Variants in YTHDC2 observed in about 807,000 individuals in gnomAD.
YTHDC2 encodes the protein YTH N6-methyladenosine RNA binding protein C2, also known as 3'-5' RNA helicase YTHDC2.
A neutral mutation model predicts 174.9 loss-of-function variants in YTHDC2; 45 were observed. That is an observed-to-expected ratio of 0.26 (90% CI 0.20 to 0.33). YTHDC2 has a LOEUF of 0.33. Ranked by LOEUF, YTHDC2 falls within the 10% of genes least tolerant of loss-of-function variation. The pLI is 1.00. For missense variants in YTHDC2, 1,650 were observed against 1,723.7 expected (o/e 0.96, Z 0.76); for synonymous variants, 657 against 574.5 (o/e 1.14, Z -2.05).
At chr5:113,567,466 G>C (rs1777423936) in intron 22 of YTHDC2, among the ~76,000 whole-genome samples, 169 bp downstream of exon 22, 1 of 147,350 alleles carries the variant, frequency 6.8e-6, no homozygotes, top group African/African-American at 2.6e-5. Context: ...TTTTAGAGTT[G>C]GAAAAGGTAA....
intron 18 of YTHDC2, among the ~76,000 whole-genome samples, chr5:113,561,441 TTATC>T (rs535162186): frequency 9.7e-4 from 145 of 149,258 alleles, no homozygotes; most frequent in East Asian, 1.9e-3. Context: ...TATATATTTT[TTATC>T]TATCTATCTA....
Position 113,513,704 on chromosome 5 carries a change from TG to T in YTHDC2, c.-190del. 1 of 642,848 alleles carries T rather than the reference TG, an allele frequency of 1.6e-6. No homozygotes were observed. The highest frequency in any genetic ancestry group is 2.5e-6 in the Non-Finnish European group (1 of 403,672). 39.8% of individuals were successfully genotyped at this position (642,848 alleles called of 1,614,324 possible). ...CGTCATTACGCCCGCGCTCCTCGCC[TG>T]GCCGTGATATCAATGGCGCAGGCTT... is the stretch of plus-strand genomic sequence containing the variant. On this transcript the variant is annotated 5_prime_UTR_variant, in exon 1 of 30. Transcript: ENST00000161863.
intron 23 of YTHDC2, among the ~76,000 whole-genome samples, chr5:113,573,018 G>C (rs1777830682): frequency 6.6e-6 from 1 of 152,172 alleles, no homozygotes; most frequent in Non-Finnish European, 1.5e-5. Context: ...CATGATGCTA[G>C]CTGGTTATTT....
chr5:113,570,023 C>T (rs911306887), intron 23 of YTHDC2, among the ~76,000 whole-genome samples: 2 of 152,032 alleles, frequency 1.3e-5, no homozygotes, highest in East Asian at 1.9e-4. Flanking sequence ...AGCAGTGATA[C>T]GTAGTTCTCC....
chr5:113,521,603 C>T (rs1280304161), intron 2 of YTHDC2, among the ~76,000 whole-genome samples: 1 of 151,606 alleles, frequency 6.6e-6, no homozygotes, highest in Admixed American at 6.6e-5. Context: ...TGGTGGCGGG[C>T]GGCTGTAGTC....
intron 26 of YTHDC2, among the ~76,000 whole-genome samples, chr5:113,586,110 T>G (rs1778668383): frequency 6.6e-6 from 1 of 152,108 alleles, no homozygotes; most frequent in Non-Finnish European, 1.5e-5. Flanking sequence ...ACAGCACTAT[T>G]TTGCATTTCC....
intron 23 of YTHDC2, among the ~76,000 whole-genome samples, chr5:113,570,458 G>C (rs376066881): frequency 1.3e-5 from 2 of 151,932 alleles, no homozygotes; most frequent in East Asian, 1.9e-4. Flanking sequence ...TTCATGATTT[G>C]GCTCTCTGCT....
At chr5:113,559,108 A>T (rs12519323) in intron 17 of YTHDC2, among the ~76,000 whole-genome samples, 1 of 151,876 alleles carries the variant, frequency 6.6e-6, no homozygotes, top group Non-Finnish European at 1.5e-5. Flanking sequence ...AGAGGACCAT[A>T]AACATTTAAG....
At chr5:113,524,844 G>T in intron 2 of YTHDC2, 137 bp from the exon 3 acceptor site, 2 of 611,734 alleles carry the variant, frequency 3.3e-6, no homozygotes, top group Non-Finnish European at 5.2e-6. Flanking sequence ...GAATTTTTTT[G>T]GACTTTCAGC....
chr5:113,559,620 T>C (rs1423969344), intron 17 of YTHDC2, among the ~76,000 whole-genome samples: 1 of 152,226 alleles, frequency 6.6e-6, no homozygotes, highest in African/African-American at 2.4e-5. Flanking sequence ...ACTGTAGATA[T>C]CACAGTTGGT....
chr5:113,526,135 C>T (rs945719443), intron 3 of YTHDC2, among the ~76,000 whole-genome samples: 23 of 151,726 alleles, frequency 1.5e-4, no homozygotes, highest in African/African-American at 5.3e-4. Context: ...AATATGTTTT[C>T]GTAATGTACG....
intron 7 of YTHDC2, among the ~76,000 whole-genome samples, chr5:113,537,868 C>A (rs1389403590): frequency 1.3e-5 from 2 of 152,130 alleles, no homozygotes; most frequent in African/African-American, 4.8e-5. Context: ...ACCTGAATCA[C>A]AAACCTATAA....
intron 10 of YTHDC2, among the ~76,000 whole-genome samples, chr5:113,545,783 C>T (rs1775844131): frequency 2.2e-5 from 1 of 45,036 alleles, no homozygotes; most frequent in Non-Finnish European, 3.5e-5. Context: ...CTCTGTTGCC[C>T]AGGCTGGAGT....
At chr5:113,540,785 G>A (rs1775401758) in intron 8 of YTHDC2, among the ~76,000 whole-genome samples, 183 bp from the exon 9 acceptor site, 1 of 152,092 alleles carries the variant, frequency 6.6e-6, no homozygotes, top group African/African-American at 2.4e-5. Context: ...GCAGTTTCAT[G>A]TGTCTTTTTG....
intron 2 of YTHDC2, among the ~76,000 whole-genome samples, chr5:113,517,844 C>G (rs1031780231): frequency 6.6e-6 from 1 of 152,068 alleles, no homozygotes; most frequent in Admixed American, 6.5e-5. Context: ...GAATTTGTAC[C>G]TGACTTATCC....
Position 113,567,652 on chromosome 5 carries a change from A to T in YTHDC2, c.3049-2A>T. 1 of 1,584,292 alleles carries T rather than the reference A, an allele frequency of 6.3e-7. No individual in the cohort carries two copies. On this transcript the variant is annotated splice_acceptor_variant, in intron 22 of 29. Transcript: ENST00000161863. LOFTEE classifies it high-confidence loss of function. ...AATTTTTAAAATTTATTTTCTTAAT[A>T]GATTCCTCCAGCCAATGGTCAAGCT...
chr5:113,536,334 G>A (rs566191938), intron 7 of YTHDC2, among the ~76,000 whole-genome samples: 2 of 152,250 alleles, frequency 1.3e-5, no homozygotes, highest in Non-Finnish European at 2.9e-5. Flanking sequence ...GACCATCCTG[G>A]CTAACACAGT....
intron 3 of YTHDC2, among the ~76,000 whole-genome samples, chr5:113,525,451 C>T (rs1305152341): frequency 6.6e-6 from 1 of 151,836 alleles, no homozygotes; most frequent in Non-Finnish European, 1.5e-5. Context: ...ATACAAAACC[C>T]TTTATATGGG....
In YTHDC2 at chr5:113,592,090, G is replaced by A. The variant is rs767903661; in HGVS notation, c.4124G>A (p.Arg1375Gln). The change falls in exon 28 of 30, where the codon CGA (arginine) becomes CAA (glutamine). Residue 1375 changes from arginine (R) to glutamine (Q), a missense_variant. Around this residue, in one of 5 missense-constraint regions of YTHDC2, gnomAD observed 913 missense variants for 940.4 expected, o/e 0.97. Transcript: ENST00000161863. ...LGGVFKVEWI[R>Q]KESLPFQFAH... ...GGAGTATTTAAGGTGGAGTGGATAC[G>A]AAAAGAAAGCCTTCCCTTTCAATTT... 1.2e-6 allele frequency: 2 copies of A among 1,612,988 alleles called. No homozygotes were observed. The highest frequency in any genetic ancestry group is 1.3e-5 in the African/African-American group (1 of 74,922).
Sources: allele counts gnomAD v4.1 joint callset (sites outside exome capture counted in the v4.1 genomes callset), GRCh38; gene constraint gnomAD v4.1.1; regional missense constraint gnomAD v4.1.1; transcripts MANE v1.5; gene names NCBI Gene and HGNC (gene_info 2026-07-23, HGNC 2026-07-21).